The following GPATCH2 variants were observed in gnomAD, a reference collection of about 807,000 sequenced individuals.
GPATCH2 encodes G patch domain-containing protein 2.
In GPATCH2, 51 loss-of-function variants were observed where a neutral mutation model predicts 58.0. The observed-to-expected ratio is 0.88, with a 90% CI of 0.70 to 1.11. The LOEUF is 1.11. GPATCH2 is among the 50% of genes most tolerant of loss of function. GPATCH2 has a pLI of 0.00. For synonymous variants in GPATCH2, 222 were observed against 218.5 expected, an observed-to-expected ratio of 1.02 and a Z score of -0.14; for missense variants, 625 against 652.2, an observed-to-expected ratio of 0.96 and a Z score of 0.45.
chr1:217,447,326 G>A (rs899491273), intron 9 of GPATCH2, among the ~76,000 whole-genome samples: 1 of 152,176 alleles, frequency 6.6e-6, no homozygotes, highest in African/African-American at 2.4e-5. Flanking sequence ...TATGTAATGT[G>A]CATATAAAGA....
At chr1:217,628,264 T>C (rs1363906809) in intron 1 of GPATCH2, among the ~76,000 whole-genome samples, 1 of 152,044 alleles carries the variant, frequency 6.6e-6, no homozygotes, top group Non-Finnish European at 1.5e-5. Context: ...CAATCCATAT[T>C]CCAAATTTTC....
chr1:217,513,962 C>A (rs751572409), intron 6 of GPATCH2, among the ~76,000 whole-genome samples: 23 of 151,422 alleles, frequency 1.5e-4, no homozygotes, highest in Non-Finnish European at 3.1e-4. Flanking sequence ...GTAGCTGGGA[C>A]TACAGGCATG....
At chr1:217,519,275 T>G (rs888673356) in intron 5 of GPATCH2, among the ~76,000 whole-genome samples, 6 of 152,214 alleles carry the variant, frequency 3.9e-5, no homozygotes, top group Non-Finnish European at 8.8e-5. Context: ...GTATCTATTC[T>G]TATAATATTA....
chr1:217,514,448 C>T (rs1284949544), intron 6 of GPATCH2, among the ~76,000 whole-genome samples: 1 of 152,198 alleles, frequency 6.6e-6, no homozygotes, highest in Non-Finnish European at 1.5e-5. Context: ...CATGAGCCAC[C>T]ATGACTGGCT....
chr1:217,505,784 T>G (rs780968292), intron 6 of GPATCH2, among the ~76,000 whole-genome samples: 3 of 152,216 alleles, frequency 2.0e-5, no homozygotes, highest in Non-Finnish European at 4.4e-5. Context: ...ACTAGCCATC[T>G]ATGGTTATTT....
chr1:217,478,315 C>G (rs569067231), intron 8 of GPATCH2, among the ~76,000 whole-genome samples: 1 of 151,804 alleles, frequency 6.6e-6, no homozygotes, highest in Non-Finnish European at 1.5e-5. Flanking sequence ...AAATAAGGCA[C>G]GAGGGACCAT....
At chr1:217,554,282 G>A (rs1384694447) in intron 5 of GPATCH2, among the ~76,000 whole-genome samples, 1 of 152,120 alleles carries the variant, frequency 6.6e-6, no homozygotes, top group Non-Finnish European at 1.5e-5. Context: ...AGCTATAATT[G>A]CCACCTCCAC....
intron 5 of GPATCH2, among the ~76,000 whole-genome samples, chr1:217,577,152 T>A (rs1427656517): frequency 6.6e-6 from 1 of 152,208 alleles, no homozygotes; most frequent in Non-Finnish European, 1.5e-5. Flanking sequence ...TGTCTATAAG[T>A]ACAGGACCAC....
intron 6 of GPATCH2, among the ~76,000 whole-genome samples, chr1:217,510,798 A>C (rs1662807714): frequency 6.6e-6 from 1 of 152,130 alleles, no homozygotes; most frequent in Non-Finnish European, 1.5e-5. Context: ...GTTGCTGAAA[A>C]AAAAGAATTA....
intron 8 of GPATCH2, among the ~76,000 whole-genome samples, chr1:217,469,127 C>T (rs1303163175): frequency 6.6e-6 from 1 of 151,994 alleles, no homozygotes; most frequent in Non-Finnish European, 1.5e-5. Flanking sequence ...TGGACTGTAA[C>T]TTGATTTAAA....
At position 217,614,212 on chromosome 1, in the gene GPATCH2, G is replaced by C. The variant is rs1162358484; in HGVS notation, c.774-10C>G. The C allele has an allele frequency of 3.3e-6, 5 of 1,518,194 alleles. No individual in the cohort carries two copies. The East Asian group carries it at 9.1e-5, about 27-fold the overall frequency. 94.0% of individuals were successfully genotyped at this position (1,518,194 alleles called of 1,614,324 possible). A position where few individuals can be genotyped will look rare whatever the true frequency, so the allele number is the denominator to read the frequency against. On this transcript the variant is annotated splice_polypyrimidine_tract_variant and intron_variant, in intron 2 of 9. Coordinates refer to ENST00000366935, the MANE Select transcript of GPATCH2 (RefSeq NM_018040.5). Reference sequence around the variant, plus strand: ...GAGACTGCTGGAATCACTGTAATAAGGAAAAAGAAAGAAACAGATCAAAAG... The same window carrying C: ...GAGACTGCTGGAATCACTGTAATAACGAAAAAGAAAGAAACAGATCAAAAG...
intron 8 of GPATCH2, among the ~76,000 whole-genome samples, chr1:217,475,984 A>G (rs1180569244): frequency 1.3e-5 from 2 of 152,112 alleles, no homozygotes; most frequent in East Asian, 3.8e-4. Flanking sequence ...GTCCAGAACG[A>G]GCCTGAAAAA....
Position 217,436,682 on chromosome 1 carries a change from T to C in GPATCH2, c.1367-5317A>G, listed in dbSNP as rs562985227. On this transcript the variant is annotated intron_variant, in intron 9 of 9. Transcript: ENST00000366935. Reference sequence around the variant, plus strand: ...AATACAATGACGTCTGTAGCCCTTATACATTATAAATGCTTCTGTATCCAT... The same window carrying C: ...AATACAATGACGTCTGTAGCCCTTACACATTATAAATGCTTCTGTATCCAT... Among the ~76,000 whole-genome samples the C allele has an allele frequency of 7.2e-5, 11 of 152,330 alleles. 1 individual carries two copies. The South Asian group carries it at 2.3e-3, about 32-fold the overall frequency.
intron 5 of GPATCH2, among the ~76,000 whole-genome samples, chr1:217,597,344 T>TAAA (rs746764158): frequency 2.2e-5 from 3 of 134,320 alleles, no homozygotes; most frequent in African/African-American, 5.5e-5. Flanking sequence ...TCTTGTCTCT[T>TAAA]AAAAAAAAAA....
chr1:217,627,458 A>T (rs1366975721), intron 1 of GPATCH2, among the ~76,000 whole-genome samples: 1 of 152,100 alleles, frequency 6.6e-6, no homozygotes, highest in Non-Finnish European at 1.5e-5. Context: ...AAAAAATTTT[A>T]AATCCCAAAT....
chr1:217,607,823 C>T (rs1025756849), intron 5 of GPATCH2, among the ~76,000 whole-genome samples: 8 of 152,144 alleles, frequency 5.3e-5, no homozygotes, highest in African/African-American at 1.9e-4. Flanking sequence ...AAGATTCTTC[C>T]TCTGTCATTT....
chr1:217,577,990 G>GTCC (rs1401469953), intron 5 of GPATCH2, among the ~76,000 whole-genome samples: 1 of 149,502 alleles, frequency 6.7e-6, no homozygotes, highest in Non-Finnish European at 1.5e-5. Flanking sequence ...CAGGTGATCC[G>GTCC]TCCTCCTTGG....
intron 5 of GPATCH2, among the ~76,000 whole-genome samples, chr1:217,563,554 C>T (rs1034700488): frequency 3.4e-4 from 52 of 152,206 alleles, no homozygotes; most frequent in South Asian, 1.9e-3. Flanking sequence ...AAATAAGGTA[C>T]ATTTTCCTAT....
chr1:217,523,929 G>A (rs181076073), intron 5 of GPATCH2, among the ~76,000 whole-genome samples: 2,088 of 110,990 alleles, frequency 0.019, 71 homozygotes, highest in Admixed American at 0.033. Flanking sequence ...TCCCGGACGG[G>A]GCAGTTGGCC....
Sources: gnomAD v4.1 joint callset for allele counts (sites outside exome capture counted in the v4.1 genomes callset) on GRCh38, gnomAD v4.1.1 for gene constraint, MANE v1.5 for transcripts, NCBI Gene and HGNC (gene_info 2026-07-23, HGNC 2026-07-21) for gene names.